LHFPL3: variants seen among roughly 807,000 people sequenced by gnomAD.
LHFPL3 encodes the protein LHFPL tetraspan subfamily member 3 protein.
LHFPL3 carries 5 observed loss-of-function variants against 19.3 expected under a neutral mutation model. The observed-to-expected ratio is 0.26, with a 90% confidence interval of 0.14 to 0.54. The LOEUF is 0.54. LHFPL3 is among the 20% of genes least tolerant of loss of function. The pLI, the probability that LHFPL3 is intolerant of heterozygous loss-of-function variation, is 0.94. For synonymous variants in LHFPL3, 133 were observed against 126.2 expected, an observed-to-expected ratio of 1.05 and a Z score of -0.36; for missense variants, 249 against 307.4, an observed-to-expected ratio of 0.81 and a Z score of 1.42.
intron 1 of LHFPL3, among the ~76,000 whole-genome samples, chr7:104,390,498 A>G (rs1395835097): frequency 6.6e-6 from 1 of 152,128 alleles, no homozygotes; most frequent in East Asian, 1.9e-4. Flanking sequence ...CCATGTCCCT[A>G]CAAAGGACAT....
At chr7:104,799,787 C>T (rs1790205068) in intron 2 of LHFPL3, 1 of 153,230 alleles carries the variant, frequency 6.5e-6, no homozygotes, top group Admixed American at 6.5e-5. Context: ...ACACTGTGCC[C>T]TGAAGAACCT....
intron 1 of LHFPL3, among the ~76,000 whole-genome samples, chr7:104,463,699 A>G (rs148227370): frequency 2.6e-5 from 4 of 152,318 alleles, no homozygotes; most frequent in African/African-American, 9.6e-5. Context: ...ATGATCAGAT[A>G]TTATGAGAAC....
chr7:104,889,601 C>T (rs1792208782), intron 2 of LHFPL3, among the ~76,000 whole-genome samples: 1 of 152,178 alleles, frequency 6.6e-6, no homozygotes, highest in Admixed American at 6.5e-5. Flanking sequence ...GATGACACCA[C>T]TGCACTCCAG....
rs184208125 is a variant in LHFPL3, at chr7:104,659,521, C to T, written c.446-77154C>T. 1.2e-4 allele frequency among the ~76,000 whole-genome samples: 18 copies of T among 152,300 alleles called. No homozygotes were observed. The East Asian group carries it at 3.5e-3, about 29-fold the overall frequency. On this transcript the variant is annotated intron_variant, in intron 1 of 2. Transcript: ENST00000424859. The stretch of plus-strand genomic sequence containing the variant: ...AGTACTCCATAATATATGGTATAGC[C>T]ACATGCTTTTCCTGAATGCTTCTGG...
At chr7:104,405,949 G>GCAA (rs1351603776) in intron 1 of LHFPL3, among the ~76,000 whole-genome samples, 1 of 152,174 alleles carries the variant, frequency 6.6e-6, no homozygotes, top group African/African-American at 2.4e-5. Flanking sequence ...AAAGAGGTTA[G>GCAA]CAACTTTTCC....
intron 1 of LHFPL3, among the ~76,000 whole-genome samples, chr7:104,504,510 T>G (rs1330207457): frequency 1.3e-5 from 2 of 152,342 alleles, no homozygotes; most frequent in East Asian, 3.8e-4. Context: ...AATGTTATTT[T>G]GAATTCAGCA....
At chr7:104,723,904 C>A (rs750099510) in intron 1 of LHFPL3, among the ~76,000 whole-genome samples, 1 of 152,122 alleles carries the variant, frequency 6.6e-6, no homozygotes, top group Non-Finnish European at 1.5e-5. Context: ...TACTATCCCT[C>A]CTGGTCAGGA....
intron 2 of LHFPL3, among the ~76,000 whole-genome samples, chr7:104,772,920 C>A (rs1794578040): frequency 6.6e-6 from 1 of 152,248 alleles, no homozygotes; most frequent in Non-Finnish European, 1.5e-5. Flanking sequence ...GTGCTGTTAA[C>A]AGCGCTGTCA....
chr7:104,656,424 T>C (rs1792122278), intron 1 of LHFPL3, among the ~76,000 whole-genome samples: 1 of 152,108 alleles, frequency 6.6e-6, no homozygotes, highest in Non-Finnish European at 1.5e-5. Context: ...AGGGGCTGCT[T>C]TCCGGGGTGT....
intron 2 of LHFPL3, among the ~76,000 whole-genome samples, chr7:104,836,471 A>G (rs1490706273): frequency 6.6e-6 from 1 of 152,192 alleles, no homozygotes; most frequent in Non-Finnish European, 1.5e-5. Flanking sequence ...CCACGCAGCC[A>G]CGCAGGAAGA....
chr7:104,848,501 C>T (rs944921989), intron 2 of LHFPL3, among the ~76,000 whole-genome samples: 1 of 152,168 alleles, frequency 6.6e-6, no homozygotes, highest in Non-Finnish European at 1.5e-5. Context: ...CAAAAAACAG[C>T]CAGCTTGGAG....
chr7:104,645,084 A>G (rs1791907668), intron 1 of LHFPL3, among the ~76,000 whole-genome samples: 2 of 152,276 alleles, frequency 1.3e-5, no homozygotes, highest in South Asian at 4.1e-4. Context: ...TTTATGCATG[A>G]TTATCTGAAT....
At chr7:104,772,308 G>T (rs918083137) in intron 2 of LHFPL3, among the ~76,000 whole-genome samples, 6 of 152,180 alleles carry the variant, frequency 3.9e-5, no homozygotes, top group Non-Finnish European at 7.4e-5. Context: ...GAAGTGACTT[G>T]CCAAAAACCT....
At chr7:104,392,794 T>C (rs1358720968) in intron 1 of LHFPL3, among the ~76,000 whole-genome samples, 1 of 152,164 alleles carries the variant, frequency 6.6e-6, no homozygotes, top group South Asian at 2.1e-4. Flanking sequence ...TGGTAGAATT[T>C]GGCTGTGAAT....
intron 2 of LHFPL3, among the ~76,000 whole-genome samples, chr7:104,866,604 T>C (rs1194891632): frequency 6.6e-6 from 1 of 152,140 alleles, no homozygotes; most frequent in Admixed American, 6.6e-5. Context: ...CAAAGAGACT[T>C]AGACTCCCAC....
At chr7:104,355,572 A>C (rs1790257079) in intron 1 of LHFPL3, among the ~76,000 whole-genome samples, 1 of 152,224 alleles carries the variant, frequency 6.6e-6, no homozygotes. Context: ...CACCCACTAT[A>C]AGTTTAGTAT....
chr7:104,632,941 A>G (rs1388018799), intron 1 of LHFPL3, among the ~76,000 whole-genome samples: 1 of 152,224 alleles, frequency 6.6e-6, no homozygotes, highest in African/African-American at 2.4e-5. Context: ...GGCATGAGTC[A>G]TGATAGGGGG....
At chr7:104,476,691 C>G (rs891482637) in intron 1 of LHFPL3, among the ~76,000 whole-genome samples, 3 of 152,148 alleles carry the variant, frequency 2.0e-5, no homozygotes, top group African/African-American at 7.2e-5. Flanking sequence ...AACTCCCTTC[C>G]TCAGGTGATC....
At chr7:104,576,794 C>G (rs1036814708) in intron 1 of LHFPL3, among the ~76,000 whole-genome samples, 2 of 152,128 alleles carry the variant, frequency 1.3e-5, no homozygotes, top group African/African-American at 4.8e-5. Context: ...TAAACAAATC[C>G]TGGGATATGT....
Sources: gnomAD v4.1 joint callset for allele counts (sites outside exome capture counted in the v4.1 genomes callset) on GRCh38, gnomAD v4.1.1 for gene constraint, MANE v1.5 for transcripts, NCBI Gene and HGNC (gene_info 2026-07-23, HGNC 2026-07-21) for gene names.